Variants in DCC observed in about 807,000 individuals in gnomAD.
DCC encodes netrin receptor DCC.
In DCC, 58 loss-of-function variants were observed where a neutral mutation model predicts 172.5. The ratio of observed to expected loss-of-function variants is 0.34; its 90% CI spans 0.27 to 0.42. The LOEUF is 0.42. Among genes scored for constraint, DCC ranks in the 10% least tolerant of loss-of-function variants. The pLI, the probability that DCC is intolerant of heterozygous loss-of-function variation, is 1.00. For synonymous variants in DCC, 709 were observed against 644.5 expected, an observed-to-expected ratio of 1.10 and a Z score of -1.52; for missense variants, 1,740 against 1,791.0, an observed-to-expected ratio of 0.97 and a Z score of 0.51.
chr18:52,963,578 C>T (rs1402704779), intron 5 of DCC, among the ~76,000 whole-genome samples: 1 of 152,020 alleles, frequency 6.6e-6, no homozygotes, highest in Non-Finnish European at 1.5e-5. Flanking sequence ...AATAGTGAAG[C>T]AGGATGAAGG....
At chr18:52,634,280 A>G (rs2034731649) in intron 1 of DCC, among the ~76,000 whole-genome samples, 1 of 152,214 alleles carries the variant, frequency 6.6e-6, no homozygotes, top group Admixed American at 6.5e-5. Context: ...TGTTTGCCAA[A>G]CATTATTTTT....
intron 1 of DCC, among the ~76,000 whole-genome samples, chr18:52,664,809 T>A (rs1489359384): frequency 2.0e-5 from 3 of 152,160 alleles, no homozygotes; most frequent in Non-Finnish European, 4.4e-5. Context: ...ATCCTACTGA[T>A]ACCATCTTCC....
At chr18:52,492,911 G>A (rs1436835961) in intron 1 of DCC, among the ~76,000 whole-genome samples, 3 of 152,056 alleles carry the variant, frequency 2.0e-5, no homozygotes, top group Non-Finnish European at 4.4e-5. Flanking sequence ...ATGATAGCGG[G>A]CAGTCAGGGT....
chr18:52,405,693 C>T (rs1986620239), intron 1 of DCC, among the ~76,000 whole-genome samples: 1 of 151,680 alleles, frequency 6.6e-6, no homozygotes. Flanking sequence ...AATGGAAGAA[C>T]ATTCCATGCT....
At chr18:52,835,865 A>C (rs1229268571) in intron 2 of DCC, among the ~76,000 whole-genome samples, 1 of 152,258 alleles carries the variant, frequency 6.6e-6, no homozygotes, top group East Asian at 1.9e-4. Flanking sequence ...AAAAAGATTC[A>C]GATGGCACCA....
chr18:52,873,366 G>C (rs1430166189), intron 2 of DCC, among the ~76,000 whole-genome samples: 1 of 152,138 alleles, frequency 6.6e-6, no homozygotes, highest in Non-Finnish European at 1.5e-5. Flanking sequence ...TGGAAATAGA[G>C]CCAATATGTA....
chr18:52,471,005 C>T (rs1413031330), intron 1 of DCC, among the ~76,000 whole-genome samples: 1 of 152,132 alleles, frequency 6.6e-6, no homozygotes, highest in Non-Finnish European at 1.5e-5. Context: ...TTCTCCTGGG[C>T]AATAGATTAT....
intron 1 of DCC, among the ~76,000 whole-genome samples, chr18:52,634,494 T>C (rs1191814762): frequency 6.6e-6 from 1 of 152,204 alleles, no homozygotes; most frequent in East Asian, 1.9e-4. Context: ...GGGAATGATC[T>C]ATTGTCATTT....
chr18:53,047,462 T>TATATAC (rs1491432793), intron 5 of DCC, among the ~76,000 whole-genome samples: 1 of 88,694 alleles, frequency 1.1e-5, no homozygotes, highest in Non-Finnish European at 2.2e-5. Flanking sequence ...TATATATATA[T>TATATAC]ACCATTTTTG....
intron 1 of DCC, among the ~76,000 whole-genome samples, chr18:52,401,259 A>G (rs1424869301): frequency 6.6e-6 from 1 of 152,002 alleles, no homozygotes; most frequent in Non-Finnish European, 1.5e-5. Flanking sequence ...AACTCTGACC[A>G]CATTCATCTA....
intron 1 of DCC, among the ~76,000 whole-genome samples, chr18:52,417,889 G>A (rs556264702): frequency 3.0e-4 from 45 of 147,904 alleles, no homozygotes; most frequent in South Asian, 6.4e-4. Context: ...GTCATTCTCC[G>A]TCCAGCTTTG....
chr18:52,478,917 G>A (rs778721845), intron 1 of DCC, among the ~76,000 whole-genome samples: 4 of 152,110 alleles, frequency 2.6e-5, no homozygotes, highest in Non-Finnish European at 5.9e-5. Flanking sequence ...GATCCAAACC[G>A]TATCAGGCAC....
intron 1 of DCC, among the ~76,000 whole-genome samples, chr18:52,492,947 G>T (rs909580875): frequency 2.0e-5 from 3 of 152,104 alleles, no homozygotes; most frequent in Non-Finnish European, 2.9e-5. Context: ...ATGTGAAGGG[G>T]CATGTTGAGA....
intron 5 of DCC, among the ~76,000 whole-genome samples, chr18:52,928,717 C>T (rs2040256984): frequency 1.3e-5 from 2 of 152,138 alleles, no homozygotes; most frequent in South Asian, 2.1e-4. Context: ...AACCCTCTTG[C>T]CTTCTGTGCT....
intron 2 of DCC, among the ~76,000 whole-genome samples, chr18:52,808,402 C>CTTTTTTT (rs11382141): frequency 6.8e-6 from 1 of 146,076 alleles, no homozygotes; most frequent in African/African-American, 2.5e-5. Flanking sequence ...CAAGATTTGG[C>CTTTTTTT]TTTTTTTTTT....
chr18:52,516,722 A>G (rs1301962525), intron 1 of DCC, among the ~76,000 whole-genome samples: 1 of 152,236 alleles, frequency 6.6e-6, no homozygotes, highest in Non-Finnish European at 1.5e-5. Context: ...ATATAGATTC[A>G]TAGTTCAAAT....
At chr18:53,057,200 C>T (rs1466798705) in intron 5 of DCC, among the ~76,000 whole-genome samples, 4 of 150,248 alleles carry the variant, frequency 2.7e-5, no homozygotes, top group South Asian at 4.2e-4. Flanking sequence ...TTGATGATGA[C>T]TTTGTTTGGA....
At chr18:52,824,296 C>T (rs1340230031) in intron 2 of DCC, among the ~76,000 whole-genome samples, 1 of 152,036 alleles carries the variant, frequency 6.6e-6, no homozygotes, top group Non-Finnish European at 1.5e-5. Context: ...TGAATGATGG[C>T]AGGTTTATTT....
At chr18:53,277,980 C>A (rs2056825563) in intron 12 of DCC, among the ~76,000 whole-genome samples, 1 of 152,052 alleles carries the variant, frequency 6.6e-6, no homozygotes, top group Non-Finnish European at 1.5e-5. Context: ...CTGTGGGCTT[C>A]TTTTATGTTA....
Sources: gnomAD v4.1 joint callset for allele counts (sites outside exome capture counted in the v4.1 genomes callset) on GRCh38, gnomAD v4.1.1 for gene constraint, MANE v1.5 for transcripts, NCBI Gene and HGNC (gene_info 2026-07-23, HGNC 2026-07-21) for gene names.